The following MARCHF5 variants were observed in gnomAD, a reference collection of about 807,000 sequenced individuals.
The protein encoded by MARCHF5 is membrane associated ring-CH-type finger 5.
In MARCHF5, 5 loss-of-function variants were observed where a neutral mutation model predicts 36.5. That is an observed-to-expected ratio of 0.14 (90% CI 0.07 to 0.29). MARCHF5 has a LOEUF of 0.29. Among genes scored for constraint, MARCHF5 ranks in the 10% least tolerant of loss-of-function variants. The pLI, the probability that MARCHF5 is intolerant of heterozygous loss-of-function variation, is 1.00. For missense variants in MARCHF5, 179 were observed against 336.3 expected, an observed-to-expected ratio of 0.53 and a Z score of 3.66; for synonymous variants, 103 against 109.9, an observed-to-expected ratio of 0.94 and a Z score of 0.39.
rs1445832408 is a variant in MARCHF5, at chr10:92,352,897, TATAAA to T, written c.*1694_*1698del. ...AAAAACTTAGATTATAGGCTGTAAT[TATAAA>T]ATATATTGGCTTTTGTTTTCAATGT... is the stretch of plus-strand genomic sequence containing the variant. On this transcript the variant is annotated 3_prime_UTR_variant, in exon 6 of 6. Coordinates refer to ENST00000358935, the MANE Select transcript of MARCHF5 (RefSeq NM_017824.5). 6.6e-6 allele frequency: 1 copy of T among 152,644 alleles called. No individual in the cohort carries two copies. The highest frequency in any genetic ancestry group is 6.5e-5 in the Admixed American group (1 of 15,276). The allele number at this position is 152,644 out of a possible 1,614,324, so 9.5% of individuals were successfully genotyped here.
At chr10:92,333,900 C>T (rs1249614182) in intron 2 of MARCHF5, among the ~76,000 whole-genome samples, 1 of 152,006 alleles carries the variant, frequency 6.6e-6, no homozygotes, top group Non-Finnish European at 1.5e-5. Flanking sequence ...AGAAAGTTGC[C>T]ATTTGAGGGC....
chr10:92,295,072 C>A (rs1842931643), intron 1 of MARCHF5, among the ~76,000 whole-genome samples: 1 of 152,080 alleles, frequency 6.6e-6, no homozygotes, highest in Non-Finnish European at 1.5e-5. Context: ...AATTATTAAA[C>A]ATTTACACTT....
intron 1 of MARCHF5, among the ~76,000 whole-genome samples, chr10:92,294,053 A>G (rs1842922396): frequency 6.6e-6 from 1 of 152,126 alleles, no homozygotes; most frequent in South Asian, 2.1e-4. Flanking sequence ...TGTAAGACCA[A>G]TAAGATCAAA....
chr10:92,327,334 C>A (rs868541535), intron 2 of MARCHF5, among the ~76,000 whole-genome samples: 11 of 145,650 alleles, frequency 7.6e-5, no homozygotes, highest in African/African-American at 2.8e-4. Context: ...TTAAAAGTAG[C>A]CTGGATAAAG....
At position 92,291,428 on chromosome 10, in the gene MARCHF5, T is replaced by G; in HGVS notation, c.-67T>G. 1 of 1,376,066 alleles carries G rather than the reference T, an allele frequency of 7.3e-7. No individual in the cohort carries two copies. Among genetic ancestry groups the G allele is most frequent in the Non-Finnish European group, 1.0e-6 (1 of 989,318 alleles). 85.2% of individuals were successfully genotyped at this position (1,376,066 alleles called of 1,614,324 possible). Reference sequence around the variant, plus strand: ...GGCCTACTCCGCCGCCTCTCAGTGCTATTGTCCCTGGGCCTGGCCTTGAGC... The same window carrying G: ...GGCCTACTCCGCCGCCTCTCAGTGCGATTGTCCCTGGGCCTGGCCTTGAGC... On this transcript the variant is annotated 5_prime_UTR_variant, in exon 1 of 6. Transcript: ENST00000358935.
intron 2 of MARCHF5, among the ~76,000 whole-genome samples, chr10:92,333,929 C>G (rs958540577): frequency 6.6e-6 from 1 of 152,072 alleles, no homozygotes; most frequent in African/African-American, 2.4e-5. Context: ...GTGCCTCACG[C>G]CTGTAATCCC....
chr10:92,343,930 G>A (rs1843610178), intron 3 of MARCHF5, among the ~76,000 whole-genome samples: 1 of 152,144 alleles, frequency 6.6e-6, no homozygotes. Flanking sequence ...CCTGAGGAGG[G>A]AGGATCAGGA....
At chr10:92,297,578 A>C (rs745972246) in intron 1 of MARCHF5, among the ~76,000 whole-genome samples, 1 of 130,892 alleles carries the variant, frequency 7.6e-6, no homozygotes, top group South Asian at 2.4e-4. Flanking sequence ...TGCAACCTCC[A>C]CCTCCTGAGT....
intron 1 of MARCHF5, among the ~76,000 whole-genome samples, chr10:92,304,793 G>A (rs1022167416): frequency 1.3e-5 from 2 of 151,890 alleles, no homozygotes; most frequent in African/African-American, 2.4e-5. Flanking sequence ...CAGATTTACC[G>A]ATCCCCACCC....
intron 1 of MARCHF5, among the ~76,000 whole-genome samples, chr10:92,305,808 T>C (rs1220490156): frequency 2.0e-5 from 3 of 152,154 alleles, no homozygotes; most frequent in African/African-American, 7.2e-5. Context: ...AACCAAAAAC[T>C]AGTCCCATCT....
At position 92,314,243 on chromosome 10, in the gene MARCHF5, A is replaced by G. The variant is rs539674567; in HGVS notation, c.238+2906A>G. ...AGAGAGAATTATAATTTTACTCTCA[A>G]ATGATATGTTCAAGCTGGTCACTAT... On this transcript the variant is annotated intron_variant, in intron 2 of 5. Coordinates refer to ENST00000358935, the MANE Select transcript of MARCHF5 (RefSeq NM_017824.5). Among the ~76,000 whole-genome samples, 150 of 152,262 alleles carry G rather than the reference A, an allele frequency of 9.9e-4. No individual in the cohort carries two copies. In the Middle Eastern group the frequency reaches 0.01, roughly 10 times the overall value.
At chr10:92,320,890 C>CT (rs1458368700) in intron 2 of MARCHF5, among the ~76,000 whole-genome samples, 1 of 152,020 alleles carries the variant, frequency 6.6e-6, no homozygotes, top group African/African-American at 2.4e-5. Flanking sequence ...ACTCATCACC[C>CT]ATTCACTGAA....
Position 92,291,199 on chromosome 10 carries a change from A to G in MARCHF5, c.-296A>G, listed in dbSNP as rs1842850170. 1 of 508,624 alleles carries G rather than the reference A, an allele frequency of 2.0e-6. No individual in the cohort carries two copies. Among genetic ancestry groups the G allele is most frequent in the African/African-American group, 2.1e-5 (1 of 48,288 alleles). The allele number at this position is 508,624 out of a possible 1,614,324, so 31.5% of individuals were successfully genotyped here. ...AAAGGTAGCTCCTCCGCCGGCAGCA[A>G]CTCGGCGCCCGCGGTCCATGGACCG... On this transcript the variant is annotated 5_prime_UTR_variant, in exon 1 of 6. Transcript: ENST00000358935.
intron 1 of MARCHF5, among the ~76,000 whole-genome samples, chr10:92,298,917 G>T (rs1842978976): frequency 6.6e-6 from 1 of 151,698 alleles, no homozygotes; most frequent in Admixed American, 6.6e-5. Context: ...GCACTCCCAG[G>T]CTCAAGCCTC....
chr10:92,316,262 G>GGT (rs1216455441), intron 2 of MARCHF5, among the ~76,000 whole-genome samples: 2 of 152,200 alleles, frequency 1.3e-5, no homozygotes, highest in East Asian at 3.9e-4. Flanking sequence ...GGAATGAAGA[G>GGT]GTAATATAAG....
At chr10:92,336,065 C>G (rs533391210) in intron 2 of MARCHF5, among the ~76,000 whole-genome samples, 3 of 152,054 alleles carry the variant, frequency 2.0e-5, no homozygotes, top group African/African-American at 7.2e-5. Flanking sequence ...GACGGAGTTT[C>G]GCTCTTGTTG....
At chr10:92,326,245 A>G (rs1843356306) in intron 2 of MARCHF5, among the ~76,000 whole-genome samples, 2 of 152,128 alleles carry the variant, frequency 1.3e-5, no homozygotes. Context: ...ATAGGCCCCT[A>G]TTGCCTATTC....
chr10:92,334,256 A>T (rs1388378945), intron 2 of MARCHF5, among the ~76,000 whole-genome samples: 1 of 152,216 alleles, frequency 6.6e-6, no homozygotes, highest in Non-Finnish European at 1.5e-5. Context: ...AAAAGCAAAC[A>T]GAAAAAACAT....
rs1842934609 is a variant in MARCHF5 at position 92,295,305 on chromosome 10, G to A, written c.35+3776G>A. 2.7e-5 allele frequency among the ~76,000 whole-genome samples: 3 copies of A among 110,622 alleles called. No individual in the cohort carries two copies. In the Admixed American group the frequency reaches 3.4e-4, roughly 13 times the overall value. The allele number at this position is 110,622 out of a possible 152,430, so 72.6% of individuals were successfully genotyped here. ...AATCTTTCAGGGTTTTTAAACTAGAGGCAACTTTTCTTTTTTTTTTTTTTT... is the reference window on the plus strand; with the variant it reads ...AATCTTTCAGGGTTTTTAAACTAGAAGCAACTTTTCTTTTTTTTTTTTTTT... On this transcript the variant is annotated intron_variant, in intron 1 of 5. Transcript: ENST00000358935.
Sources: allele counts gnomAD v4.1 joint callset (sites outside exome capture counted in the v4.1 genomes callset), GRCh38; gene constraint gnomAD v4.1.1; transcripts MANE v1.5; gene names NCBI Gene and HGNC (gene_info 2026-07-23, HGNC 2026-07-21).